FYCO1: variants seen among roughly 807,000 people sequenced by gnomAD.
FYCO1 encodes the protein FYVE and coiled-coil domain-containing protein 1.
In FYCO1, 122 loss-of-function variants were observed where a neutral mutation model predicts 165.1. The ratio of observed to expected loss-of-function variants is 0.74; its 90% CI spans 0.64 to 0.86. The LOEUF is 0.86. Ranked by LOEUF, FYCO1 falls within the 40% of genes least tolerant of loss-of-function variation. FYCO1 has a pLI of 0.00. For synonymous variants in FYCO1, 648 were observed against 742.5 expected (o/e 0.87, Z 2.07); for missense variants, 1,702 against 1,810.3 (o/e 0.94, Z 1.09).
intron 12 of FYCO1, among the ~76,000 whole-genome samples, 162 bp downstream of exon 12, chr3:45,959,231 C>T (rs1012815858): frequency 1.3e-5 from 2 of 152,222 alleles, no homozygotes; most frequent in African/African-American, 4.8e-5. Flanking sequence ...CCAACTAATA[C>T]ACCTTCCTTA....
intron 4 of FYCO1, among the ~76,000 whole-genome samples, chr3:45,977,703 A>C (rs1706845020): frequency 6.6e-6 from 1 of 152,112 alleles, no homozygotes; most frequent in Non-Finnish European, 1.5e-5. Flanking sequence ...ATCACAGTGA[A>C]ACACAGTCCA....
Position 45,968,104 on chromosome 3 carries a change from T to G in FYCO1, c.1230A>C (p.Leu410=), listed in dbSNP as rs763536304. The change falls in exon 8 of 18, where the codon CTA becomes CTC. Residue 410 remains leucine, a synonymous_variant. Coordinates refer to ENST00000296137, the MANE Select transcript of FYCO1 (RefSeq NM_024513.4). The part of the protein sequence containing the change: ...MQELGEKLQA[L]ERERTKVEEV... ...CCTCGACCTTGGTTCTCTCCCTTTC[T>G]AGGGCTTGAAGCTTCTCCCCTAGCT... 4.3e-6 allele frequency: 7 copies of G among 1,614,184 alleles called. No homozygotes were observed. The East Asian group carries it at 1.6e-4, about 36-fold the overall frequency.
At chr3:45,992,871 C>A (rs1444248931) in intron 1 of FYCO1, among the ~76,000 whole-genome samples, 1 of 152,028 alleles carries the variant, frequency 6.6e-6, no homozygotes, top group Non-Finnish European at 1.5e-5. Flanking sequence ...GCTATCCAGC[C>A]CTATCCTGGA....
chr3:45,956,637 G>GT (rs200800051), intron 13 of FYCO1, among the ~76,000 whole-genome samples: 131 of 150,936 alleles, frequency 8.7e-4, no homozygotes, highest in African/African-American at 3.0e-3. Flanking sequence ...GCCAGGGATT[G>GT]TTTTTTTTTC....
Position 45,932,927 on chromosome 3 carries a change from T to TA in FYCO1, c.4041-1647dup, listed in dbSNP as rs57419999. ...GTGGAAATCTTACCATATTACCATG[T>TA]AAAAAGTCACTTACCCTGACATAAT... On this transcript the variant is annotated intron_variant, in intron 15 of 17. Transcript: ENST00000296137. Among the ~76,000 whole-genome samples, 361 of 152,344 alleles carry TA rather than the reference T, an allele frequency of 2.4e-3. 4 individuals carry two copies. Among genetic ancestry groups the TA allele is most frequent in the African/African-American group, 7.6e-3 (314 of 41,570 alleles).
chr3:45,921,310 T>C lies in FYCO1; in HGVS notation c.*455A>G, dbSNP rs6441934. On this transcript the variant is annotated 3_prime_UTR_variant, in exon 18 of 18. Coordinates refer to ENST00000296137, the MANE Select transcript of FYCO1 (RefSeq NM_024513.4). ...AGGAGTACCTGAGGGCGTCACAGCC[T>C]GAGGATTCACAGGGCATGGCCAGTG... 0.86 allele frequency: 204,863 copies of C among 239,306 alleles called. 88,609 individuals carry two copies. Among genetic ancestry groups the C allele is most frequent in the East Asian group, 1 (9,832 of 9,874 alleles). The allele number at this position is 239,306 out of a possible 1,614,324, so 14.8% of individuals were successfully genotyped here. A position where few individuals can be genotyped will look rare whatever the true frequency, so the allele number is the denominator to read the frequency against.
In FYCO1 at chr3:45,975,463, AC is replaced by A; in HGVS notation, c.289-119del. On this transcript the variant is annotated intron_variant, in intron 4 of 17. Transcript: ENST00000296137. ...AGGGCAAAAAATGTCACCCAATTTT[AC>A]CCTATACGTTGTCCTTCAAAGGACA... is the stretch of plus-strand genomic sequence containing the variant. The A allele has an allele frequency of 1.1e-5, 8 of 735,836 alleles. No homozygotes were observed. The South Asian group carries it at 1.2e-4, about 11-fold the overall frequency. The allele number at this position is 735,836 out of a possible 1,614,324, so 45.6% of individuals were successfully genotyped here.
At position 45,962,405 on chromosome 3, in the gene FYCO1, T is replaced by C; in HGVS notation, c.3270-13A>G. The C allele has an allele frequency of 5.0e-6, 8 of 1,611,762 alleles. No individual in the cohort carries two copies. The highest frequency in any genetic ancestry group is 6.8e-6 in the Non-Finnish European group (8 of 1,179,312). On this transcript the variant is annotated splice_polypyrimidine_tract_variant and intron_variant, in intron 10 of 17. Transcript: ENST00000296137. This position sits in a 1 kb window ranked among gnomAD's most constrained non-coding sequence, Gnocchi z 4.4. ...TTCCTTCTGGGTCCTGGGGGAGGAG[T>C]GGTAAGTTTTCTTGATTAGCCAGGA...
Position 45,962,362 on chromosome 3 carries a change from TG to T in FYCO1, c.3299del (p.Thr1100LysfsTer14). 6.2e-7 allele frequency: 1 copy of T among 1,614,210 alleles called. No homozygotes were observed. The highest frequency in any genetic ancestry group is 1.1e-5 in the South Asian group (1 of 91,080). On this transcript the variant is annotated frameshift_variant, in exon 11 of 18. Coordinates refer to ENST00000296137, the MANE Select transcript of FYCO1 (RefSeq NM_024513.4). LOFTEE classifies it high-confidence loss of function. This position sits in a 1 kb window ranked among gnomAD's most constrained non-coding sequence, Gnocchi z 4.4. ...GTTTGTTGTAATACTCTTGGATTTT[TG>T]TTGTGGCTTTTTCGAGTTCCTTCTG... ...RTQKELEKATTKIQEYYNKLC... is the reference protein window; with the variant it reads ...RTQKELEKATXKIQEYYNKLC...
intron 14 of FYCO1, chr3:45,946,574 G>A: frequency 6.2e-7 from 1 of 1,614,192 alleles, no homozygotes; most frequent in African/African-American, 1.3e-5. Context: ...AGTTCAGCAA[G>A]GTCTTTCTGC....
rs535369860 is a variant in FYCO1, at chr3:45,957,884, C to T, written c.3799+524G>A. 1.9e-4 allele frequency among the ~76,000 whole-genome samples: 29 copies of T among 152,344 alleles called. 1 individual carries two copies. In the South Asian group the frequency reaches 4.3e-3, roughly 23 times the overall value. On this transcript the variant is annotated intron_variant, in intron 13 of 17. Transcript: ENST00000296137. ...TGTTCCACATTCAAAGTCCAGTGCC[C>T]GGAAGGGCAGCCCAGGCCTGTCTGC...
At chr3:45,953,566 T>C (rs1475295063) in intron 14 of FYCO1, among the ~76,000 whole-genome samples, 2 of 152,194 alleles carry the variant, frequency 1.3e-5, no homozygotes, top group African/African-American at 4.8e-5. Context: ...TGTTGGCAAA[T>C]AGCTACACTA....
intron 11 of FYCO1, among the ~76,000 whole-genome samples, chr3:45,960,407 AG>A: frequency 6.6e-6 from 1 of 152,306 alleles, no homozygotes; most frequent in East Asian, 1.9e-4. Context: ...TAAATAAAAA[AG>A]CTTGAACATG....
chr3:45,976,748 G>C (rs779616656), intron 4 of FYCO1, among the ~76,000 whole-genome samples: 1 of 152,166 alleles, frequency 6.6e-6, no homozygotes, highest in Non-Finnish European at 1.5e-5. Flanking sequence ...GATTCAATGG[G>C]GTAAACATCC....
intron 14 of FYCO1, among the ~76,000 whole-genome samples, chr3:45,942,859 G>A (rs1249591451): frequency 6.6e-6 from 1 of 152,210 alleles, no homozygotes; most frequent in Non-Finnish European, 1.5e-5. Flanking sequence ...GTGGGCTTAG[G>A]AGGTGGGGCT....
chr3:45,988,227 T>C (rs1455120354), intron 1 of FYCO1, among the ~76,000 whole-genome samples: 1 of 152,124 alleles, frequency 6.6e-6, no homozygotes. Context: ...ATAGAGAACA[T>C]GGTCACCATG....
At chr3:45,977,332 G>A in intron 4 of FYCO1, among the ~76,000 whole-genome samples, 1 of 87,012 alleles carries the variant, frequency 1.1e-5, no homozygotes, top group African/African-American at 3.7e-5. Context: ...CTTTTAATCA[G>A]GCCCATTAAC....
At chr3:45,936,114 C>T (rs963074998) in intron 15 of FYCO1, among the ~76,000 whole-genome samples, 2 of 152,010 alleles carry the variant, frequency 1.3e-5, no homozygotes, top group African/African-American at 4.8e-5. Context: ...TGAAAGTGTA[C>T]TGCTCATACA....
At chr3:45,948,381 C>T (rs56332428) in intron 14 of FYCO1, 15,667 of 161,354 alleles carry the variant, frequency 0.097, 1,151 homozygotes, top group South Asian at 0.35. Flanking sequence ...CATTCTATTT[C>T]AATGTGGTAT....
Sources: gnomAD v4.1 joint callset for allele counts (sites outside exome capture counted in the v4.1 genomes callset) on GRCh38, gnomAD v4.1.1 for gene constraint, Gnocchi (gnomAD v3.1) non-coding constraint, MANE v1.5 for transcripts, NCBI Gene and HGNC (gene_info 2026-07-23, HGNC 2026-07-21) for gene names.